RPUSD4: variants seen among roughly 807,000 people sequenced by gnomAD.
RPUSD4 encodes the protein pseudouridylate synthase RPUSD4, mitochondrial.
A neutral mutation model predicts 35.4 loss-of-function variants in RPUSD4; 37 were observed. The ratio of observed to expected loss-of-function variants is 1.04; its 90% CI spans 0.80 to 1.37. RPUSD4 has a LOEUF of 1.37. Ranked by LOEUF, RPUSD4 falls within the 40% of genes most tolerant of loss-of-function variation. The pLI is 0.00. For synonymous variants in RPUSD4, 210 were observed against 192.7 expected (o/e 1.09, Z -0.74); for missense variants, 507 against 484.9 (o/e 1.05, Z -0.43).
rs750679147 is a variant in RPUSD4 at position 126,205,536 on chromosome 11, G to A, written c.728C>T (p.Ala243Val). The change falls in exon 5 of 7, where the codon GCT becomes GTT. Residue 243 changes from alanine to valine, a missense_variant. By Grantham distance (64) the Ala-to-Val change is moderately conservative. Transcript: ENST00000298317. ...KVRRSRNAQV[A>V]VTQYQVLSST... The stretch of plus-strand genomic sequence containing the variant: ...GCTGAGCACCTGGTACTGAGTTACA[G>A]CAACTTGCGCATTCCGGCTGCGCCG... 1 of 1,614,270 alleles carries A rather than the reference G, an allele frequency of 6.2e-7. No individual in the cohort carries two copies. The highest frequency in any genetic ancestry group is 1.1e-5 in the South Asian group (1 of 91,086).
intron 3 of RPUSD4, 99 bp from the exon 4 acceptor site, chr11:126,205,880 C>T (rs1377538930): frequency 1.3e-6 from 1 of 793,700 alleles, no homozygotes; most frequent in Non-Finnish European, 2.0e-6. Context: ...TCTGCACTAA[C>T]ATGTGATTTC....
intron 2 of RPUSD4, among the ~76,000 whole-genome samples, chr11:126,210,550 C>CACACACACACACA (rs3220746): frequency 4.8e-5 from 7 of 144,628 alleles, no homozygotes; most frequent in Admixed American, 1.4e-4. Context: ...CACACACACA[C>CACACACACACACA]CCCCTTTTTT....
intron 3 of RPUSD4, among the ~76,000 whole-genome samples, chr11:126,207,108 C>T (rs951500765): frequency 2.6e-5 from 4 of 151,978 alleles, no homozygotes; most frequent in Non-Finnish European, 4.4e-5. Context: ...TTTAACTTTT[C>T]CTATGAACTA....
chr11:126,205,540 C>T lies in RPUSD4; in HGVS notation c.724G>A (p.Val242Ile). 2 of 1,614,266 alleles carry T rather than the reference C, an allele frequency of 1.2e-6. No homozygotes were observed. Among genetic ancestry groups the T allele is most frequent in the Non-Finnish European group, 1.7e-6 (2 of 1,180,048 alleles). ...AGCACCTGGTACTGAGTTACAGCAACTTGCGCATTCCGGCTGCGCCGCACT... is the reference window on the plus strand; with the variant it reads ...AGCACCTGGTACTGAGTTACAGCAATTTGCGCATTCCGGCTGCGCCGCACT... ...VKVRRSRNAQ[V>I]AVTQYQVLSS... The change falls in exon 5 of 7, where the codon GTT becomes ATT. Residue 242 changes from valine (V) to isoleucine (I), a missense_variant. Transcript: ENST00000298317.
rs762904167 is a variant in RPUSD4, at chr11:126,211,004, G to A, written c.241C>T (p.Arg81Trp). The A allele has an allele frequency of 1.2e-6, 2 of 1,613,974 alleles. No homozygotes were observed. Among genetic ancestry groups the A allele is most frequent in the Middle Eastern group, 1.7e-4 (1 of 6,040 alleles). ...RRVQEIVRFT[R>W]QLQRVHPNVL... is the part of the protein sequence containing the mutation. ...TTGGGGTGGACTCGCTGCAGCTGCC[G>A]TGTGAACCGCACTATTTCTTGCACT... The change falls in exon 2 of 7, where the codon CGG becomes TGG. Residue 81 changes from arginine (R) to tryptophan (W), a missense_variant. Coordinates refer to ENST00000298317, the MANE Select transcript of RPUSD4 (RefSeq NM_032795.3).
Position 126,205,408 on chromosome 11 carries a change from T to A in RPUSD4, c.796+60A>T. ...CTACTAGCTGCTCAGAACGAGGCCC[T>A]GGACAAAACCTGGTGGCACAGGGTT... is the stretch of plus-strand genomic sequence containing the variant. On this transcript the variant is annotated intron_variant, in intron 5 of 6. Transcript: ENST00000298317. 9 of 1,604,906 alleles carry A rather than the reference T, an allele frequency of 5.6e-6. No individual in the cohort carries two copies. The South Asian group carries it at 8.8e-5, about 16-fold the overall frequency.
intron 6 of RPUSD4, 23 bp from the exon 7 acceptor site, chr11:126,203,680 C>A (rs1949738617): frequency 6.3e-7 from 1 of 1,598,770 alleles, no homozygotes. Flanking sequence ...AGGACAGACC[C>A]TTGAGAGCAA....
chr11:126,206,801 C>T (rs964500875), intron 3 of RPUSD4, among the ~76,000 whole-genome samples: 3 of 152,166 alleles, frequency 2.0e-5, no homozygotes, highest in Non-Finnish European at 4.4e-5. Flanking sequence ...CACTATTTCA[C>T]AACGCAGACA....
In RPUSD4 at chr11:126,203,403, G is replaced by T. The variant is rs548898201; in HGVS notation, c.*15C>A. 1.9e-6 allele frequency: 3 copies of T among 1,607,484 alleles called. No homozygotes were observed. The highest frequency in any genetic ancestry group is 2.5e-6 in the Non-Finnish European group (3 of 1,178,810). ...CTTCACTGTGCTCCCAGGTGCCAGG[G>T]TGCTCCCATGGTCTTCACTGTGCTC... On this transcript the variant is annotated 3_prime_UTR_variant, in exon 7 of 7. Coordinates refer to ENST00000298317, the MANE Select transcript of RPUSD4 (RefSeq NM_032795.3).
chr11:126,203,266 C>T lies in RPUSD4; in HGVS notation c.*152G>A, dbSNP rs1591486466. 5 of 1,135,282 alleles carry T rather than the reference C, an allele frequency of 4.4e-6. No individual in the cohort carries two copies. The highest frequency in any genetic ancestry group is 6.2e-6 in the Non-Finnish European group (5 of 801,620). 70.3% of individuals were successfully genotyped at this position (1,135,282 alleles called of 1,614,324 possible). A position where few individuals can be genotyped will look rare whatever the true frequency, so the allele number is the denominator to read the frequency against. ...TAGCAGCTGAGTTGCTTTACCTTAT[C>T]CCACCTGGCTCTTACGCAGTCTGTT... On this transcript the variant is annotated 3_prime_UTR_variant, in exon 7 of 7. Coordinates refer to ENST00000298317, the MANE Select transcript of RPUSD4 (RefSeq NM_032795.3).
At position 126,210,930 on chromosome 11, in the gene RPUSD4, G is replaced by T. The variant is rs1324693824; in HGVS notation, c.315C>A (p.Asn105Lys). 6.2e-7 allele frequency: 1 copy of T among 1,614,154 alleles called. No homozygotes were observed. Among genetic ancestry groups the T allele is most frequent in the South Asian group, 1.1e-5 (1 of 91,084 alleles). ...CGTAGGGCTTATTGATGACCACAAG[G>T]TTCTTGTCCTGGTGGAGAATTCCTC... ...LTRGILHQDK[N>K]LVVINKPYGL... The change falls in exon 2 of 7, where the codon AAC (asparagine) becomes AAA (lysine). Residue 105 changes from asparagine to lysine, a missense_variant. Transcript: ENST00000298317.
chr11:126,205,904 A>T (rs1410989092), intron 3 of RPUSD4, 123 bp from the exon 4 acceptor site: 3 of 679,838 alleles, frequency 4.4e-6, no homozygotes, highest in Non-Finnish European at 7.2e-6. Flanking sequence ...TGATTGAAGG[A>T]TCGTGCAAGA....
At position 126,202,541 on chromosome 11, in the gene RPUSD4, A is replaced by C. The variant is rs1191521051; in HGVS notation, c.*877T>G. 2.0e-5 allele frequency: 3 copies of C among 152,296 alleles called. No individual in the cohort carries two copies. Among genetic ancestry groups the C allele is most frequent in the African/African-American group, 7.2e-5 (3 of 41,488 alleles). The allele number at this position is 152,296 out of a possible 1,614,324, so 9.4% of individuals were successfully genotyped here. A position where few individuals can be genotyped will look rare whatever the true frequency, so the allele number is the denominator to read the frequency against. On this transcript the variant is annotated 3_prime_UTR_variant, in exon 7 of 7. Coordinates refer to ENST00000298317, the MANE Select transcript of RPUSD4 (RefSeq NM_032795.3). The stretch of plus-strand genomic sequence containing the variant: ...GCCAACCACTGATCCAGAATTTTCA[A>C]GATGGCACCTTTCCCCAAACTTCTA...
intron 3 of RPUSD4, chr11:126,208,822 T>C (rs1949805446): frequency 6.6e-6 from 1 of 152,222 alleles, no homozygotes; most frequent in Admixed American, 6.5e-5. Flanking sequence ...TGTAAATGCG[T>C]TGAGTAAGAA....
rs958307947 is a variant in RPUSD4, at chr11:126,204,929, CAT to C, written c.796+537_796+538del. 7.9e-5 allele frequency among the ~76,000 whole-genome samples: 12 copies of C among 152,208 alleles called. No individual in the cohort carries two copies. In the South Asian group the frequency reaches 1.0e-3, roughly 13 times the overall value. On this transcript the variant is annotated intron_variant, in intron 5 of 6. Coordinates refer to ENST00000298317, the MANE Select transcript of RPUSD4 (RefSeq NM_032795.3). ...ACATCTGACTCTTCTAGGTACCTCA[CAT>C]GAGTGGAATCATATAATATTTGCCC...
In RPUSD4 at chr11:126,211,563, G is replaced by A. The variant is rs752055495; in HGVS notation, c.76C>T (p.Leu26Phe). 3.1e-6 allele frequency: 5 copies of A among 1,614,230 alleles called. No individual in the cohort carries two copies. In the Admixed American group the frequency reaches 5.0e-5, roughly 16 times the overall value. ...NGQGCGSLFT[L>F]VSKPFCAAAA... is the part of the protein sequence containing the mutation. ...GCGGCACAAAATGGCTTTGAGACGA[G>A]AGTGAAGAGACTCCCGCAACCTTGG... The change falls in exon 1 of 7, where the codon CTC becomes TTC. Residue 26 changes from leucine to phenylalanine, a missense_variant. Leu to Phe is a conservative substitution (Grantham distance 22). Transcript: ENST00000298317.
rs892629596 is a variant in RPUSD4, at chr11:126,203,280, A to T, written c.*138T>A. The T allele has an allele frequency of 1.5e-6, 2 of 1,302,876 alleles. No individual in the cohort carries two copies. Among genetic ancestry groups the T allele is most frequent in the Non-Finnish European group, 2.1e-6 (2 of 946,630 alleles). The allele number at this position is 1,302,876 out of a possible 1,614,324, so 80.7% of individuals were successfully genotyped here. ...CTTTACCTTATCCCACCTGGCTCTT[A>T]CGCAGTCTGTTCCAAGTGAGAAGTT... On this transcript the variant is annotated 3_prime_UTR_variant, in exon 7 of 7. Coordinates refer to ENST00000298317, the MANE Select transcript of RPUSD4 (RefSeq NM_032795.3).
rs1949729758 is a variant in RPUSD4, at chr11:126,203,060, G to C, written c.*358C>G. On this transcript the variant is annotated 3_prime_UTR_variant, in exon 7 of 7. Transcript: ENST00000298317. The stretch of plus-strand genomic sequence containing the variant: ...AGAGCTTCACTGCTGGATAAAAACA[G>C]TTCCTGATCCCGGATTCTGACCTTT... 1 of 215,184 alleles carries C rather than the reference G, an allele frequency of 4.6e-6. No individual in the cohort carries two copies. Among genetic ancestry groups the C allele is most frequent in the African/African-American group, 2.3e-5 (1 of 44,180 alleles). The allele number at this position is 215,184 out of a possible 1,614,324, so 13.3% of individuals were successfully genotyped here. A position where few individuals can be genotyped will look rare whatever the true frequency, so the allele number is the denominator to read the frequency against.
intron 2 of RPUSD4, among the ~76,000 whole-genome samples, chr11:126,210,489 G>C (rs1280216690): frequency 1.4e-5 from 2 of 142,150 alleles, no homozygotes; most frequent in Non-Finnish European, 3.1e-5. Flanking sequence ...AGTCACTCTG[G>C]GGTTGTATGT....
Sources: gnomAD v4.1 joint callset for allele counts (sites outside exome capture counted in the v4.1 genomes callset) on GRCh38, gnomAD v4.1.1 for gene constraint, MANE v1.5 for transcripts, NCBI Gene and HGNC (gene_info 2026-07-23, HGNC 2026-07-21) for gene names.